SRRM2: variants seen among roughly 807,000 people sequenced by gnomAD.
SRRM2 encodes serine/arginine repetitive matrix protein 2.
In SRRM2, 30 loss-of-function variants were observed where a neutral mutation model predicts 213.8. The ratio of observed to expected loss-of-function variants is 0.14; its 90% CI spans 0.10 to 0.19. The LOEUF (loss-of-function observed/expected upper bound fraction) is 0.19. Ranked by LOEUF, SRRM2 falls within the 10% of genes least tolerant of loss-of-function variation. SRRM2 has a pLI of 1.00. For missense variants in SRRM2, 4,904 were observed against 3,647.0 expected (o/e 1.34, Z -8.88); for synonymous variants, 2,025 against 1,377.7 (o/e 1.47, Z -10.40).
At position 2,771,183 on chromosome 16, in the gene SRRM2, G is replaced by C. The variant is rs574378496; in HGVS notation, c.*316G>C. Reference sequence around the variant, plus strand: ...GGGCCAGGGAGGCATGGCCCCACTTGTATCCAGAAGTTCCCAGGGGTGATT... The same window carrying C: ...GGGCCAGGGAGGCATGGCCCCACTTCTATCCAGAAGTTCCCAGGGGTGATT... On this transcript the variant is annotated 3_prime_UTR_variant, in exon 15 of 15. Coordinates refer to ENST00000301740, the MANE Select transcript of SRRM2 (RefSeq NM_016333.4). 10 of 629,816 alleles carry C rather than the reference G, an allele frequency of 1.6e-5. No individual in the cohort carries two copies. In the African/African-American group the frequency reaches 1.8e-4, roughly 12 times the overall value. 39.0% of individuals were successfully genotyped at this position (629,816 alleles called of 1,614,324 possible). A position where few individuals can be genotyped will look rare whatever the true frequency, so the allele number is the denominator to read the frequency against.
chr16:2,756,252 G>C (rs2068135698), intron 1 of SRRM2, 82 bp from the exon 2 acceptor site: 1 of 1,259,784 alleles, frequency 7.9e-7, no homozygotes, highest in Non-Finnish European at 1.1e-6. Context: ...AGGGATGAAG[G>C]AGAGCAGGGA....
intron 3 of SRRM2, 31 bp downstream of exon 3, chr16:2,757,610 G>A: frequency 6.3e-7 from 1 of 1,598,962 alleles, no homozygotes. Context: ...CGATGACTCT[G>A]GACTCTACTC....
chr16:2,758,409 A>G, intron 4 of SRRM2, 61 bp from the exon 5 acceptor site: 1 of 1,370,316 alleles, frequency 7.3e-7, no homozygotes, highest in East Asian at 2.3e-5. Context: ...TCTGTCTTTT[A>G]AAGAAAAGAA....
chr16:2,757,680 C>G (rs1426457589), intron 3 of SRRM2, 101 bp downstream of exon 3: 3 of 1,579,364 alleles, frequency 1.9e-6, no homozygotes, highest in African/African-American at 1.4e-5. Flanking sequence ...CTGCTTTCGT[C>G]TGCCTTTCCC....
chr16:2,763,339 T>G lies in SRRM2; in HGVS notation c.2811T>G (p.Ser937Arg), dbSNP rs141506833. 6.2e-7 allele frequency: 1 copy of G among 1,614,018 alleles called. No homozygotes were observed. Among genetic ancestry groups the G allele is most frequent in the Non-Finnish European group, 8.5e-7 (1 of 1,180,038 alleles). ...GCCATTCTGGCTCCTCTTCTCCAAG[T>G]CCTAGTAGGGTGACGTCGAGAACAA... ...QRSHSGSSSPSPSRVTSRTTP... is the reference protein window; with the variant it reads ...QRSHSGSSSPRPSRVTSRTTP... The change falls in exon 11 of 15, where the codon AGT becomes AGG. Residue 937 changes from serine (S) to arginine (R), a missense_variant. By Grantham distance (110) the Ser-to-Arg change is moderately radical. Coordinates refer to ENST00000301740, the MANE Select transcript of SRRM2 (RefSeq NM_016333.4).
At chr16:2,760,529 G>A in intron 10 of SRRM2, 30 bp downstream of exon 10, 1 of 1,609,824 alleles carries the variant, frequency 6.2e-7, no homozygotes, top group Non-Finnish European at 8.5e-7. Flanking sequence ...ATGTTCATTG[G>A]ATTGCAAATG....
Position 2,764,080 on chromosome 16 carries a change from A to G in SRRM2, c.3552A>G (p.Lys1184=). The G allele has an allele frequency of 6.2e-7, 1 of 1,614,176 alleles. No homozygotes were observed. The highest frequency in any genetic ancestry group is 8.5e-7 in the Non-Finnish European group (1 of 1,180,032). ...EDATASPPRQ[K]DKFSPFPVQD... ...CTACTGCATCACCTCCTAGACAGAA[A>G]GACAAATTTAGTCCCTTTCCAGTAC... The change falls in exon 11 of 15, where the codon AAA becomes AAG. Residue 1184 remains lysine, a synonymous_variant. Coordinates refer to ENST00000301740, the MANE Select transcript of SRRM2 (RefSeq NM_016333.4).
intron 1 of SRRM2, among the ~76,000 whole-genome samples, chr16:2,756,008 A>G (rs1268349770): frequency 6.6e-6 from 1 of 152,128 alleles, no homozygotes; most frequent in East Asian, 1.9e-4. Context: ...GTGTGGAGAG[A>G]TTTTAGAGGA....
chr16:2,769,717 C>T (rs769238879), intron 12 of SRRM2: 15 of 477,948 alleles, frequency 3.1e-5, no homozygotes, highest in East Asian at 6.4e-5. Flanking sequence ...TACTTCCCTC[C>T]ACTCCACAAA....
chr16:2,759,619 C>T lies in SRRM2; in HGVS notation c.791C>T (p.Thr264Ile), dbSNP rs2068268577. Residue 264 changes from threonine (T) to isoleucine (I), a missense_variant, in exon 9 of 15, where the codon ACT (threonine) becomes ATT (isoleucine). By Grantham distance (89) the Thr-to-Ile change is moderately conservative. Coordinates refer to ENST00000301740, the MANE Select transcript of SRRM2 (RefSeq NM_016333.4). ...AAGAGCCGCCGGGCCCACCGTTCAACTTCTGCTGACTCTGCTTCCTCCTCC... is the reference window on the plus strand; with the variant it reads ...AAGAGCCGCCGGGCCCACCGTTCAATTTCTGCTGACTCTGCTTCCTCCTCC... ...APKSRRAHRS[T>I]SADSASSSDT... The T allele has an allele frequency of 6.2e-7, 1 of 1,614,082 alleles. No homozygotes were observed. Among genetic ancestry groups the T allele is most frequent in the South Asian group, 1.1e-5 (1 of 91,074 alleles).
chr16:2,764,202 A>G lies in SRRM2; in HGVS notation c.3674A>G (p.Gln1225Arg). The G allele has an allele frequency of 6.2e-7, 1 of 1,614,246 alleles. No homozygotes were observed. The highest frequency in any genetic ancestry group is 8.5e-7 in the Non-Finnish European group (1 of 1,180,052). ...GAGSSPETKE[Q>R]NSALPTSSQD... Reference sequence around the variant, plus strand: ...GGGTCATCTCCAGAAACAAAAGAGCAAAATAGTGCATTGCCTACGTCAAGC... The same window carrying G: ...GGGTCATCTCCAGAAACAAAAGAGCGAAATAGTGCATTGCCTACGTCAAGC... The change falls in exon 11 of 15, where the codon CAA becomes CGA. Residue 1225 changes from glutamine to arginine, a missense_variant. Gln to Arg is a conservative substitution (Grantham distance 43, BLOSUM62 1). Transcript: ENST00000301740.
At position 2,762,614 on chromosome 16, in the gene SRRM2, A is replaced by T. The variant is rs753523762; in HGVS notation, c.2086A>T (p.Thr696Ser). The change falls in exon 11 of 15, where the codon ACA becomes TCA. Residue 696 changes from threonine to serine, a missense_variant. Coordinates refer to ENST00000301740, the MANE Select transcript of SRRM2 (RefSeq NM_016333.4). ...CAGGAGAGGGAGGTCTCGGTCTAGG[A>T]CACCAAGACGAGGAAGATCCCGCAG... ...PARRGRSRSRTPRRGRSRSRS... is the reference protein window; with the variant it reads ...PARRGRSRSRSPRRGRSRSRS... 3.1e-6 allele frequency: 5 copies of T among 1,614,026 alleles called. No homozygotes were observed. The African/African-American group carries it at 6.7e-5, about 22-fold the overall frequency.
chr16:2,756,767 A>G (rs2068156497), intron 2 of SRRM2, among the ~76,000 whole-genome samples, 161 bp downstream of exon 2: 4 of 152,066 alleles, frequency 2.6e-5, no homozygotes, highest in Admixed American at 2.6e-4. Flanking sequence ...CAGTTAAGGG[A>G]CAGTGCAGAG....
rs569852607 is a variant in SRRM2 at position 2,756,460 on chromosome 16, G to C, written c.96G>C (p.Glu32Asp). 6.2e-7 allele frequency: 1 copy of C among 1,613,512 alleles called. No individual in the cohort carries two copies. Among genetic ancestry groups the C allele is most frequent in the African/African-American group, 1.3e-5 (1 of 75,056 alleles). The part of the protein sequence containing the change: ...NLSLVRGRRG[E>D]RPDYKGEEEL... ...CCCTGGTGCGGGGCCGCCGGGGTGA[G>C]CGGCCTGACTACAAGGGAGAGGAGG... Residue 32 changes from glutamate (E) to aspartate (D), a missense_variant, in exon 2 of 15, where the codon GAG (glutamate) becomes GAC (aspartate). Glu to Asp is a conservative substitution (Grantham distance 45). Coordinates refer to ENST00000301740, the MANE Select transcript of SRRM2 (RefSeq NM_016333.4).
At chr16:2,769,802 C>G in intron 12 of SRRM2, 1 of 465,954 alleles carries the variant, frequency 2.1e-6, no homozygotes, top group South Asian at 1.5e-5. Flanking sequence ...TCTTCACCAA[C>G]GGGCCTTGCC....
chr16:2,760,148 C>T (rs1038867790), intron 9 of SRRM2, 153 bp from the exon 10 acceptor site: 4 of 721,088 alleles, frequency 5.5e-6, no homozygotes, highest in East Asian at 2.7e-5. Context: ...ACTGTACTTG[C>T]ATTTCAGTGA....
chr16:2,763,450 A>C lies in SRRM2; in HGVS notation c.2922A>C (p.Ser974=). Residue 974 remains serine (S), a synonymous_variant, in exon 11 of 15, where the codon TCA becomes TCC. Transcript: ENST00000301740. Reference sequence around the variant, plus strand: ...GATACAGTCATTCTGGGTCCTCCTCACCAGATACCAAAGTGAAACCTGAAA... The same window carrying C: ...GATACAGTCATTCTGGGTCCTCCTCCCCAGATACCAAAGTGAAACCTGAAA... ...LPRYSHSGSS[S]PDTKVKPETP... 1 of 1,614,170 alleles carries C rather than the reference A, an allele frequency of 6.2e-7. No individual in the cohort carries two copies. Among genetic ancestry groups the C allele is most frequent in the Non-Finnish European group, 8.5e-7 (1 of 1,180,024 alleles).
Position 2,762,649 on chromosome 16 carries a change from A to G in SRRM2, c.2121A>G (p.Leu707=). 4 of 1,614,194 alleles carry G rather than the reference A, an allele frequency of 2.5e-6. No individual in the cohort carries two copies. Among genetic ancestry groups the G allele is most frequent in the Non-Finnish European group, 3.4e-6 (4 of 1,180,020 alleles). ...GAGGAAGATCCCGCAGTAGAAGCTT[A>G]GTTAGACGTGGAAGATCTCACTCTA... ...PRRGRSRSRS[L]VRRGRSHSRT... is the part of the protein sequence containing the mutation. The change falls in exon 11 of 15, where the codon TTA becomes TTG. Residue 707 remains leucine (L), a synonymous_variant. Transcript: ENST00000301740.
chr16:2,761,919 A>G lies in SRRM2; in HGVS notation c.1391A>G (p.His464Arg), dbSNP rs764421667. The change falls in exon 11 of 15, where the codon CAT becomes CGT. Residue 464 changes from histidine to arginine, a missense_variant. Physicochemically the swap from His to Arg is conservative, Grantham distance 29. Transcript: ENST00000301740. ...TCTCCCACATCTAAGAATCGCTCAC[A>G]TGGCCGAGCAAAACGGGATAAATCA... The part of the protein sequence containing the change: ...SSSPTSKNRS[H>R]GRAKRDKSHS... 26 of 1,613,774 alleles carry G rather than the reference A, an allele frequency of 1.6e-5. No homozygotes were observed. Among genetic ancestry groups the G allele is most frequent in the Non-Finnish European group, 1.9e-5 (23 of 1,180,012 alleles).
Sources: gnomAD v4.1 joint callset for allele counts (sites outside exome capture counted in the v4.1 genomes callset) on GRCh38, gnomAD v4.1.1 for gene constraint, MANE v1.5 for transcripts, NCBI Gene and HGNC (gene_info 2026-07-23, HGNC 2026-07-21) for gene names.